Variants in CYB5R3 observed in about 807,000 individuals in gnomAD.
CYB5R3 encodes the protein cytochrome b5 reductase 3, also known as NADH-cytochrome b5 reductase 3.
Under a neutral mutation model 36.5 loss-of-function variants are expected in CYB5R3, and 28 were observed. The observed-to-expected ratio is 0.77, with a 90% CI of 0.57 to 1.05. The LOEUF is 1.05. Ranked by LOEUF, CYB5R3 falls within the 50% of genes least tolerant of loss-of-function variation. The pLI is 0.00. For synonymous variants in CYB5R3, 181 were observed against 159.8 expected (o/e 1.13, Z -1.00); for missense variants, 474 against 408.9 (o/e 1.16, Z -1.37).
chr22:42,648,982 C>T (rs1929648760), intron 1 of CYB5R3, among the ~76,000 whole-genome samples: 1 of 152,228 alleles, frequency 6.6e-6, no homozygotes, highest in African/African-American at 2.4e-5. Flanking sequence ...AACCACGGGT[C>T]CCTCCAGCAG....
rs975029176 is a variant in CYB5R3, at chr22:42,618,915, G to C, written c.*858C>G. 2 of 152,130 alleles carry C rather than the reference G, an allele frequency of 1.3e-5. No homozygotes were observed. The highest frequency in any genetic ancestry group is 2.9e-5 in the Non-Finnish European group (2 of 68,036). 9.4% of individuals were successfully genotyped at this position (152,130 alleles called of 1,614,324 possible). A position where few individuals can be genotyped will look rare whatever the true frequency, so the allele number is the denominator to read the frequency against. The stretch of plus-strand genomic sequence containing the variant: ...ACAACTGTAGTCTAAAGGCAACGTC[G>C]AGGTCACTGATATGTCCCTCAGACA... On this transcript the variant is annotated 3_prime_UTR_variant, in exon 9 of 9. Coordinates refer to ENST00000352397, the MANE Select transcript of CYB5R3 (RefSeq NM_000398.7).
At position 42,628,218 on chromosome 22, in the gene CYB5R3, T is replaced by C. The variant is rs148295843; in HGVS notation, c.397A>G (p.Ser133Gly). The C allele has an allele frequency of 1.1e-5, 17 of 1,614,020 alleles. No individual in the cohort carries two copies. Among genetic ancestry groups the C allele is most frequent in the Non-Finnish European group, 1.3e-5 (15 of 1,179,970 alleles). Residue 133 changes from serine to glycine, a missense_variant, in exon 5 of 9, where the codon AGC becomes GGC. Coordinates refer to ENST00000352397, the MANE Select transcript of CYB5R3 (RefSeq NM_000398.7). ...AGGKMSQYLESMQIGDTIEFR... is the reference protein window; with the variant it reads ...AGGKMSQYLEGMQIGDTIEFR... The stretch of plus-strand genomic sequence containing the variant: ...TCAATGGTGTCTCCAATCTGCATGC[T>C]CTCCAGGTACTGAGACATCTTCCCT...
intron 1 of CYB5R3, among the ~76,000 whole-genome samples, chr22:42,643,575 C>T (rs1369840318): frequency 6.6e-6 from 1 of 152,060 alleles, no homozygotes; most frequent in Non-Finnish European, 1.5e-5. Flanking sequence ...CAGCTGAGGC[C>T]TCGCTCCATG....
chr22:42,638,475 C>T (rs1287192434), intron 1 of CYB5R3, among the ~76,000 whole-genome samples: 1 of 134,182 alleles, frequency 7.5e-6, no homozygotes, highest in East Asian at 2.2e-4. Context: ...ATGGCAGAGG[C>T]AGAAGATTGC....
intron 5 of CYB5R3, 51 bp from the exon 6 acceptor site, chr22:42,627,739 T>TGGCTGGAGA (rs752663109): frequency 7.2e-7 from 1 of 1,396,994 alleles, no homozygotes; most frequent in South Asian, 1.2e-5. Flanking sequence ...CCATGTGTGG[T>TGGCTGGAGA]GGCTGGAGAG....
intron 2 of CYB5R3, among the ~76,000 whole-genome samples, chr22:42,636,341 T>C (rs1444652731): frequency 6.6e-6 from 1 of 152,134 alleles, no homozygotes; most frequent in African/African-American, 2.4e-5. Context: ...GGTCCAGTAG[T>C]ACCAGGCTGT....
At chr22:42,639,974 A>G (rs1929150026) in intron 1 of CYB5R3, 7 of 1,611,150 alleles carry the variant, frequency 4.3e-6, no homozygotes, top group Non-Finnish European at 5.9e-6. Flanking sequence ...CAAACATTCT[A>G]GCCAATGATG....
At chr22:42,646,407 G>C (rs964427048) in intron 1 of CYB5R3, among the ~76,000 whole-genome samples, 7 of 152,286 alleles carry the variant, frequency 4.6e-5, no homozygotes, top group African/African-American at 1.7e-4. Context: ...GGAGCCCCCA[G>C]CTCATGCACC....
Position 42,627,363 on chromosome 22 carries a change from G to A in CYB5R3, c.574C>T (p.Arg192Cys), listed in dbSNP as rs543277216. ...TCATCAGGGTCCTTCATGATGGCGCGGATCACCTGCAGCATCGGGGTGATG... is the reference window on the plus strand; with the variant it reads ...TCATCAGGGTCCTTCATGATGGCGCAGATCACCTGCAGCATCGGGGTGATG... The part of the protein sequence containing the change: ...TGITPMLQVI[R>C]AIMKDPDDHT... The change falls in exon 7 of 9, where the codon CGC becomes TGC. Residue 192 changes from arginine (R) to cysteine (C), a missense_variant. Coordinates refer to ENST00000352397, the MANE Select transcript of CYB5R3 (RefSeq NM_000398.7). The A allele has an allele frequency of 4.2e-5, 67 of 1,613,880 alleles. No homozygotes were observed. The South Asian group carries it at 4.4e-4, about 11-fold the overall frequency.
chr22:42,620,396 G>A (rs1927900376), intron 8 of CYB5R3, among the ~76,000 whole-genome samples: 1 of 152,098 alleles, frequency 6.6e-6, no homozygotes, highest in Non-Finnish European at 1.5e-5. Flanking sequence ...CTCTGCCCCA[G>A]GCTGCTCAGG....
Position 42,627,313 on chromosome 22 carries a change from A to C in CYB5R3, c.624T>G (p.Phe208Leu), listed in dbSNP as rs1405010863. 1.2e-6 allele frequency: 2 copies of C among 1,613,808 alleles called. No individual in the cohort carries two copies. Among genetic ancestry groups the C allele is most frequent in the Non-Finnish European group, 1.7e-6 (2 of 1,179,956 alleles). ...GGGGATGCCCACTGACCTGGTTGGC[A>C]AAGAGCAGGTGGCACACAGTGTGGT... ...PDDHTVCHLL[F>L]ANQTEKDILL... The change falls in exon 7 of 9, where the codon TTT becomes TTG. Residue 208 changes from phenylalanine (F) to leucine (L), a missense_variant. Phe to Leu is a conservative substitution (Grantham distance 22). Coordinates refer to ENST00000352397, the MANE Select transcript of CYB5R3 (RefSeq NM_000398.7).
chr22:42,626,144 A>G (rs1928256129), intron 7 of CYB5R3, among the ~76,000 whole-genome samples: 1 of 152,096 alleles, frequency 6.6e-6, no homozygotes, highest in African/African-American at 2.4e-5. Context: ...CCCCATCTCT[A>G]CTAAAAATAT....
chr22:42,628,473 A>G (rs561700736), intron 4 of CYB5R3, among the ~76,000 whole-genome samples, 192 bp from the exon 5 acceptor site: 1 of 152,256 alleles, frequency 6.6e-6, no homozygotes, highest in Non-Finnish European at 1.5e-5. Flanking sequence ...CCGTCCTCCC[A>G]GGAGTCAGCC....
At chr22:42,631,665 G>A in intron 2 of CYB5R3, 1 of 611,218 alleles carries the variant, frequency 1.6e-6, no homozygotes, top group Non-Finnish European at 2.9e-6. Flanking sequence ...CGCTGGGTGT[G>A]TCTGTCCTGC....
At chr22:42,644,687 T>C in intron 1 of CYB5R3, 1 of 984,690 alleles carries the variant, frequency 1.0e-6, no homozygotes, top group Non-Finnish European at 1.2e-6. Flanking sequence ...CACGCCCACG[T>C]GGAATAGAGT....
chr22:42,623,982 T>C, intron 7 of CYB5R3, 94 bp from the exon 8 acceptor site: 2 of 1,089,484 alleles, frequency 1.8e-6, no homozygotes, highest in Non-Finnish European at 1.4e-6. Context: ...CGCGCCCGCC[T>C]GCGGGCCACA....
At chr22:42,646,931 G>A in intron 1 of CYB5R3, 1 of 985,582 alleles carries the variant, frequency 1.0e-6, no homozygotes, top group Non-Finnish European at 1.2e-6. Flanking sequence ...CGGGCTGGGA[G>A]GCAGGGGAAC....
At position 42,649,296 on chromosome 22, in the gene CYB5R3, G is replaced by T; in HGVS notation, c.20C>A (p.Thr7Lys). Residue 7 changes from threonine (T) to lysine (K), a missense_variant and splice_region_variant, in exon 1 of 9, where the codon ACG becomes AAG. By Grantham distance (78) the Thr-to-Lys change is moderately conservative (BLOSUM62 -1). Transcript: ENST00000352397. ...CCCCGGCGCCCCCTCCCCGCCTACC[G>T]TGCTGAGCTGGGCCCCCATGGTGGC... MGAQLSTLGHMVLFPVW... is the reference protein window; with the variant it reads MGAQLSKLGHMVLFPVW... The T allele has an allele frequency of 2.0e-6, 2 of 1,021,536 alleles. No individual in the cohort carries two copies. Among genetic ancestry groups the T allele is most frequent in the Non-Finnish European group, 1.2e-6 (1 of 850,362 alleles). 63.3% of individuals were successfully genotyped at this position (1,021,536 alleles called of 1,614,324 possible). A position where few individuals can be genotyped will look rare whatever the true frequency, so the allele number is the denominator to read the frequency against.
At chr22:42,629,944 C>T (rs2267454) in intron 4 of CYB5R3, among the ~76,000 whole-genome samples, 46,387 of 151,678 alleles carry the variant, frequency 0.31, 8,058 homozygotes, top group South Asian at 0.4. Context: ...ATTACAGGTG[C>T]GCACCACCAT....
Sources: gnomAD v4.1 joint callset for allele counts (sites outside exome capture counted in the v4.1 genomes callset) on GRCh38, gnomAD v4.1.1 for gene constraint, MANE v1.5 for transcripts, NCBI Gene and HGNC (gene_info 2026-07-23, HGNC 2026-07-21) for gene names.